The following CAST variants were observed in gnomAD, a reference collection of about 807,000 sequenced individuals.
CAST encodes the protein MIR583 host.
A neutral mutation model predicts 119.6 loss-of-function variants in CAST; 76 were observed. The ratio of observed to expected loss-of-function variants is 0.64; its 90% CI spans 0.53 to 0.77. The LOEUF (loss-of-function observed/expected upper bound fraction) is 0.77, where lower values mean the gene tolerates loss of function less well. Ranked by LOEUF, CAST falls within the 30% of genes least tolerant of loss-of-function variation. The pLI, the probability that CAST is intolerant of heterozygous loss-of-function variation, is 0.00. For synonymous variants in CAST, 319 were observed against 331.6 expected (o/e 0.96, Z 0.41); for missense variants, 953 against 946.5 (o/e 1.01, Z -0.09).
chr5:96,482,228 C>T, the CAST span, among the ~76,000 whole-genome samples: 3 of 152,018 alleles, frequency 2.0e-5, no homozygotes, highest in African/African-American at 7.2e-5. Context: ...CCTGCTCATA[C>T]TGGGGAAGAA....
chr5:96,389,963 G>C, the CAST span, among the ~76,000 whole-genome samples: 3 of 152,050 alleles, frequency 2.0e-5, no homozygotes, highest in African/African-American at 7.2e-5. Context: ...GAACTTTGAG[G>C]GTTCTAATGA....
the CAST span, among the ~76,000 whole-genome samples, chr5:95,977,385 C>A: frequency 2.0e-5 from 3 of 152,236 alleles, no homozygotes; most frequent in African/African-American, 7.2e-5. Flanking sequence ...ACTTAATCAC[C>A]TTCTAAAGGC....
chr5:96,279,005 A>G, the CAST span, among the ~76,000 whole-genome samples: 4 of 152,274 alleles, frequency 2.6e-5, no homozygotes, highest in Non-Finnish European at 5.9e-5. Flanking sequence ...TATTAATGCT[A>G]TATCAGAAGG....
the CAST span, among the ~76,000 whole-genome samples, chr5:95,988,367 GTA>G: frequency 1.3e-5 from 2 of 152,180 alleles, no homozygotes; most frequent in African/African-American, 4.8e-5. Context: ...GAAGCTGCCG[GTA>G]TGTGTGTGTG....
the CAST span, among the ~76,000 whole-genome samples, chr5:96,082,474 C>G: frequency 2.6e-5 from 4 of 152,190 alleles, no homozygotes; most frequent in African/African-American, 4.8e-5. Flanking sequence ...TCTAGGTCCT[C>G]TGACACCAGA....
chr5:96,722,619 T>C lies in CAST; in HGVS notation c.211-20T>C. ...AGGTTAAATAGAATCGAACTTTCTA[T>C]TTCTTTCTTTCCTTTCTAGGTGTCA... On this transcript the variant is annotated intron_variant, in intron 3 of 31. Transcript: ENST00000675179. 4 of 1,595,238 alleles carry C rather than the reference T, an allele frequency of 2.5e-6. No individual in the cohort carries two copies. The highest frequency in any genetic ancestry group is 3.4e-6 in the Non-Finnish European group (4 of 1,162,844).
chr5:96,391,664 C>T, the CAST span: 13 of 152,332 alleles, frequency 8.5e-5, no homozygotes, highest in African/African-American at 3.1e-4. Flanking sequence ...AATCAAGTGC[C>T]TGCTCTAGGT....
upstream of CAST, among the ~76,000 whole-genome samples, chr5:96,527,953 A>G (rs557451760): frequency 3.3e-5 from 5 of 152,328 alleles, no homozygotes; most frequent in East Asian, 9.6e-4. Flanking sequence ...GTCATTTCCA[A>G]GAGAAAAGGG....
the CAST span, among the ~76,000 whole-genome samples, chr5:96,409,885 G>C: frequency 6.6e-6 from 1 of 152,194 alleles, no homozygotes; most frequent in Admixed American, 6.5e-5. Flanking sequence ...AAGTGATCCT[G>C]TATGAAGAAG....
At chr5:96,631,682 G>A (rs1192404550) in intron 1 of CAST, among the ~76,000 whole-genome samples, 8 of 150,010 alleles carry the variant, frequency 5.3e-5, no homozygotes, top group Admixed American at 2.0e-4. Flanking sequence ...ACAGGCGCCC[G>A]CCACCACGCC....
chr5:96,617,873 T>A (rs1747501178), intron 1 of CAST, among the ~76,000 whole-genome samples: 1 of 148,422 alleles, frequency 6.7e-6, no homozygotes. Context: ...GTAGAGGTTA[T>A]TCTAATTTTT....
At chr5:96,613,508 A>G (rs1278427112) in intron 1 of CAST, among the ~76,000 whole-genome samples, 1 of 152,118 alleles carries the variant, frequency 6.6e-6, no homozygotes, top group African/African-American at 2.4e-5. Flanking sequence ...TTCATTTTCT[A>G]GCTAAGGAAA....
chr5:96,568,782 C>T (rs1296756425), intron 1 of CAST, among the ~76,000 whole-genome samples: 5 of 151,734 alleles, frequency 3.3e-5, no homozygotes, highest in Admixed American at 3.3e-4. Flanking sequence ...TCAAAGAAAA[C>T]TAAAAGGACC....
At chr5:96,647,672 A>C (rs1748033107) in intron 1 of CAST, among the ~76,000 whole-genome samples, 1 of 152,158 alleles carries the variant, frequency 6.6e-6, no homozygotes, top group Non-Finnish European at 1.5e-5. Context: ...TAAATAAATA[A>C]ATAAACTAAA....
the CAST span, among the ~76,000 whole-genome samples, chr5:96,121,049 C>T: frequency 6.6e-6 from 1 of 152,044 alleles, no homozygotes; most frequent in Non-Finnish European, 1.5e-5. Flanking sequence ...CTACCCATTT[C>T]CCAGCTTATT....
the CAST span, among the ~76,000 whole-genome samples, chr5:96,005,265 T>C: frequency 6.6e-6 from 1 of 151,810 alleles, no homozygotes; most frequent in African/African-American, 2.4e-5. Flanking sequence ...GTGAAGAAAA[T>C]CTCAGCTAGG....
intron 3 of CAST, among the ~76,000 whole-genome samples, chr5:96,700,323 G>A (rs973563684): frequency 6.6e-6 from 1 of 152,104 alleles, no homozygotes; most frequent in Non-Finnish European, 1.5e-5. Context: ...CTGAATTTAA[G>A]GTTAAAGTAA....
chr5:96,210,334 C>T, the CAST span: 1 of 151,904 alleles, frequency 6.6e-6, no homozygotes, highest in African/African-American at 2.4e-5. Flanking sequence ...GTCTGCAATC[C>T]ATTTTGGGTT....
the CAST span, among the ~76,000 whole-genome samples, chr5:96,266,495 C>G: frequency 6.6e-6 from 1 of 152,130 alleles, no homozygotes; most frequent in East Asian, 1.9e-4. Context: ...AAGGAGACAC[C>G]AAATCAGAGT....
Sources: gnomAD v4.1 joint callset for allele counts (sites outside exome capture counted in the v4.1 genomes callset) on GRCh38, gnomAD v4.1.1 for gene constraint, MANE v1.5 for transcripts, NCBI Gene and HGNC (gene_info 2026-07-23, HGNC 2026-07-21) for gene names.